INPP4B: variants seen among roughly 807,000 people sequenced by gnomAD.
The protein encoded by INPP4B is inositol polyphosphate 4-phosphatase type II.
In INPP4B, 55 loss-of-function variants were observed where a neutral mutation model predicts 122.5. That is an observed-to-expected ratio of 0.45 (90% CI 0.36 to 0.56). The LOEUF is 0.56. Ranked by LOEUF, INPP4B falls within the 20% of genes least tolerant of loss-of-function variation. The pLI, the probability that INPP4B is intolerant of heterozygous loss-of-function variation, is 0.00. For missense variants in INPP4B, 1,000 were observed against 1,097.7 expected, an observed-to-expected ratio of 0.91 and a Z score of 1.26; for synonymous variants, 403 against 388.7, an observed-to-expected ratio of 1.04 and a Z score of -0.43.
chr4:142,648,718 C>A (rs1220131162), intron 2 of INPP4B, among the ~76,000 whole-genome samples: 1 of 152,214 alleles, frequency 6.6e-6, no homozygotes, highest in African/African-American at 2.4e-5. Flanking sequence ...CGGACTACTG[C>A]CTCTATAGAA....
chr4:142,099,288 T>A (rs960697672), intron 23 of INPP4B, among the ~76,000 whole-genome samples: 3 of 152,134 alleles, frequency 2.0e-5, no homozygotes, highest in South Asian at 2.1e-4. Flanking sequence ...CTATTGCCAA[T>A]CCCTTTTACA....
At chr4:142,403,853 A>T (rs998808911) in intron 6 of INPP4B, among the ~76,000 whole-genome samples, 1 of 152,232 alleles carries the variant, frequency 6.6e-6, no homozygotes, top group Non-Finnish European at 1.5e-5. Context: ...TGGAACGGGC[A>T]GTGAATAAAA....
intron 2 of INPP4B, among the ~76,000 whole-genome samples, chr4:142,706,065 C>T (rs1365465064): frequency 1.3e-5 from 2 of 152,240 alleles, no homozygotes; most frequent in Non-Finnish European, 2.9e-5. Context: ...AACCTTTCCT[C>T]CTGTCCTGTT....
At chr4:142,553,956 C>T (rs958208954) in intron 2 of INPP4B, among the ~76,000 whole-genome samples, 9 of 152,088 alleles carry the variant, frequency 5.9e-5, no homozygotes, top group East Asian at 1.9e-4. Context: ...TTTGGGAGGC[C>T]GAAGTGGGCA....
chr4:142,120,740 G>C (rs375895672), intron 21 of INPP4B, among the ~76,000 whole-genome samples: 1 of 152,144 alleles, frequency 6.6e-6, no homozygotes, highest in Non-Finnish European at 1.5e-5. Flanking sequence ...GGGTTGATGG[G>C]AGCAGCCCTC....
chr4:142,817,858 A>C (rs980375885), intron 1 of INPP4B, among the ~76,000 whole-genome samples: 1 of 152,188 alleles, frequency 6.6e-6, no homozygotes, highest in African/African-American at 2.4e-5. Flanking sequence ...ATTGACGTTA[A>C]AAGGAAACCA....
chr4:142,274,696 G>A (rs1467830349), intron 9 of INPP4B, among the ~76,000 whole-genome samples: 1 of 151,804 alleles, frequency 6.6e-6, no homozygotes, highest in Non-Finnish European at 1.5e-5. Flanking sequence ...AAAAACAGAA[G>A]TGATCTTCAT....
intron 18 of INPP4B, among the ~76,000 whole-genome samples, chr4:142,144,227 A>G (rs1809431675): frequency 1.7e-4 from 1 of 5,760 alleles, no homozygotes; most frequent in Non-Finnish European, 5.1e-4. Context: ...CAAGATACAC[A>G]CACACACACA....
chr4:142,707,093 T>C (rs945717796), intron 2 of INPP4B, among the ~76,000 whole-genome samples: 1 of 152,172 alleles, frequency 6.6e-6, no homozygotes, highest in Non-Finnish European at 1.5e-5. Context: ...CTGCACTGGA[T>C]CAGCATCTTC....
chr4:142,121,421 C>T (rs1281580145), intron 21 of INPP4B, among the ~76,000 whole-genome samples: 2 of 152,092 alleles, frequency 1.3e-5, no homozygotes, highest in Non-Finnish European at 2.9e-5. Flanking sequence ...ATGTTTTGAA[C>T]ATGACCCCAG....
chr4:142,305,958 A>C, intron 8 of INPP4B: 3 of 1,005,496 alleles, frequency 3.0e-6, no homozygotes, highest in Non-Finnish European at 3.6e-6. Flanking sequence ...CAAATCTGTT[A>C]GTTGGAGCTA....
intron 25 of INPP4B, among the ~76,000 whole-genome samples, chr4:142,033,668 A>ATTTTTTT (rs5862564): frequency 4.6e-5 from 6 of 129,504 alleles, no homozygotes; most frequent in African/African-American, 1.5e-4. Context: ...TCTCCATTTC[A>ATTTTTTT]TTTTTTTTTT....
At chr4:142,141,045 T>G (rs1467069830) in intron 18 of INPP4B, among the ~76,000 whole-genome samples, 1 of 152,176 alleles carries the variant, frequency 6.6e-6, no homozygotes, top group Non-Finnish European at 1.5e-5. Context: ...GCTATTCCTT[T>G]GAAAAATGAT....
chr4:142,678,336 G>T (rs1217057641), intron 2 of INPP4B, among the ~76,000 whole-genome samples: 1 of 151,872 alleles, frequency 6.6e-6, no homozygotes, highest in Non-Finnish European at 1.5e-5. Context: ...TTTACTTCAT[G>T]ATACCCGATA....
At chr4:142,040,451 G>A (rs564893018) in intron 25 of INPP4B, among the ~76,000 whole-genome samples, 1 of 152,284 alleles carries the variant, frequency 6.6e-6, no homozygotes, top group South Asian at 2.1e-4. Context: ...GAAGACTTGT[G>A]GCTGGAGGAG....
chr4:142,568,172 G>C (rs1442295760), intron 2 of INPP4B, among the ~76,000 whole-genome samples: 2 of 147,490 alleles, frequency 1.4e-5, no homozygotes, highest in African/African-American at 5.0e-5. Flanking sequence ...TTTTCCACTT[G>C]CTGCTGGACA....
chr4:142,213,913 G>A (rs924600519), intron 12 of INPP4B, among the ~76,000 whole-genome samples: 8 of 152,044 alleles, frequency 5.3e-5, no homozygotes, highest in Admixed American at 3.9e-4. Flanking sequence ...TCGAGGGTGC[G>A]AGTTGAGAAA....
At chr4:142,635,578 CTAT>C (rs1488142647) in intron 2 of INPP4B, among the ~76,000 whole-genome samples, 1 of 152,116 alleles carries the variant, frequency 6.6e-6, no homozygotes, top group Non-Finnish European at 1.5e-5. Context: ...GAGCTAGAGG[CTAT>C]TATTTTTAGC....
intron 18 of INPP4B, among the ~76,000 whole-genome samples, chr4:142,132,527 A>G (rs934375025): frequency 3.3e-5 from 5 of 152,208 alleles, no homozygotes; most frequent in Non-Finnish European, 5.9e-5. Flanking sequence ...TCAAATAAAC[A>G]AAGTAATTTC....
Sources: gnomAD v4.1 joint callset for allele counts (sites outside exome capture counted in the v4.1 genomes callset) on GRCh38, gnomAD v4.1.1 for gene constraint, MANE v1.5 for transcripts, NCBI Gene and HGNC (gene_info 2026-07-23, HGNC 2026-07-21) for gene names.